The following AOPEP variants were observed in gnomAD, a reference collection of about 807,000 sequenced individuals.
AOPEP encodes the protein aminopeptidase O (putative).
Under a neutral mutation model 98.1 loss-of-function variants are expected in AOPEP, and 77 were observed. The ratio of observed to expected loss-of-function variants is 0.78; its 90% CI spans 0.65 to 0.95. AOPEP has a LOEUF of 0.95. Among genes scored for constraint, AOPEP ranks in the 40% least tolerant of loss-of-function variants. AOPEP has a pLI of 0.00. For missense variants in AOPEP, 1,024 were observed against 1,024.7 expected (o/e 1.00, Z 0.01); for synonymous variants, 346 against 365.3 (o/e 0.95, Z 0.60).
chr9:94,847,152 A>ACACACACACACT (rs1448564968), intron 5 of AOPEP, among the ~76,000 whole-genome samples: 20,709 of 140,202 alleles, frequency 0.15, 1,623 homozygotes, highest in East Asian at 0.24. Flanking sequence ...ACACACACAC[A>ACACACACACACT]CTCTCTCTGT....
At chr9:95,089,214 C>CCGGGGTCT (rs2070832674), downstream of AOPEP, among the ~76,000 whole-genome samples, 1 of 152,224 alleles carries the variant, frequency 6.6e-6, no homozygotes, top group Non-Finnish European at 1.5e-5. Flanking sequence ...TGAGAGCAAA[C>CCGGGGTCT]CGGGGTCTCG....
intron 13 of AOPEP, among the ~76,000 whole-genome samples, chr9:95,025,353 C>T (rs183760700): frequency 0.012 from 1,781 of 152,336 alleles, 44 homozygotes; most frequent in African/African-American, 0.04. Flanking sequence ...TGTCAGCCCA[C>T]AGCCACTGCA....
chr9:95,003,220 A>T (rs1428257841), intron 11 of AOPEP, among the ~76,000 whole-genome samples: 2 of 152,140 alleles, frequency 1.3e-5, no homozygotes, highest in Admixed American at 6.5e-5. Context: ...AAGGGAAAAA[A>T]CTTTTCAAAT....
In AOPEP at chr9:94,727,115, ATCTCCAG is replaced by A. The variant is rs571567990; in HGVS notation, c.-136+368_-136+374del. On this transcript the variant is annotated intron_variant, in intron 1 of 16. Transcript: ENST00000375315. ...CTCGGCTTCTAGCCCCACAGGGCTC[ATCTCCAG>A]TCTTAAGTAGGCAGAACAGTTTCGA... Among the ~76,000 whole-genome samples, 28 of 152,258 alleles carry A rather than the reference ATCTCCAG, an allele frequency of 1.8e-4. No homozygotes were observed. In the East Asian group the frequency reaches 5.2e-3, roughly 28 times the overall value.
intron 5 of AOPEP, chr9:94,904,278 G>A (rs1017886132): frequency 6.6e-6 from 1 of 152,186 alleles, no homozygotes; most frequent in Non-Finnish European, 1.5e-5. Context: ...CTGCACAGTG[G>A]CTGTGGTTTT....
At chr9:95,004,728 G>A (rs2061812178) in intron 11 of AOPEP, among the ~76,000 whole-genome samples, 1 of 145,454 alleles carries the variant, frequency 6.9e-6, no homozygotes, top group Non-Finnish European at 1.5e-5. Context: ...GCGGGGGCAA[G>A]GTGCGCGGGG....
Position 94,758,479 on chromosome 9 carries a change from G to A in AOPEP, c.-135-1170G>A, listed in dbSNP as rs118044375. ...CCTAGAATGAGATTCTAGAAGGAAA[G>A]GAAATAAAAGGGTCTAGTAGAGATG... On this transcript the variant is annotated intron_variant, in intron 1 of 16. Coordinates refer to ENST00000375315, the MANE Select transcript of AOPEP (RefSeq NM_001193329.3). 8.3e-3 allele frequency among the ~76,000 whole-genome samples: 1,258 copies of A among 152,278 alleles called. 12 individuals are homozygous for A. Among genetic ancestry groups the A allele is most frequent in the Non-Finnish European group, 0.013 (859 of 68,008 alleles).
chr9:94,860,785 A>G (rs182020207), intron 5 of AOPEP, among the ~76,000 whole-genome samples: 5 of 152,264 alleles, frequency 3.3e-5, no homozygotes, highest in Admixed American at 6.5e-5. Flanking sequence ...TTCTCTGTAC[A>G]TGTCAGGTTT....
intron 7 of AOPEP, chr9:94,933,380 G>C: frequency 1.0e-6 from 1 of 985,410 alleles, no homozygotes. Flanking sequence ...TTTATTGTTT[G>C]TGATTTATTA....
At chr9:94,887,811 CT>C (rs111773615) in intron 5 of AOPEP, among the ~76,000 whole-genome samples, 3 of 151,346 alleles carry the variant, frequency 2.0e-5, no homozygotes, top group Non-Finnish European at 4.4e-5. Context: ...GCAAATTAGG[CT>C]TTTTTTTTCT....
chr9:95,055,532 G>A (rs1011391553), intron 13 of AOPEP, among the ~76,000 whole-genome samples: 11 of 152,122 alleles, frequency 7.2e-5, no homozygotes, highest in East Asian at 1.9e-4. Context: ...GTTCTGTCTC[G>A]TGTCCTGTAG....
At chr9:94,910,797 A>G (rs559060081) in intron 5 of AOPEP, among the ~76,000 whole-genome samples, 10 of 152,290 alleles carry the variant, frequency 6.6e-5, no homozygotes, top group Non-Finnish European at 1.3e-4. Flanking sequence ...GGGAGGGGCC[A>G]GTCTATTAGG....
rs1170011175 is a variant in AOPEP at position 94,775,373 on chromosome 9, AT to A, written c.964+2220del. On this transcript the variant is annotated intron_variant, in intron 3 of 16. Coordinates refer to ENST00000375315, the MANE Select transcript of AOPEP (RefSeq NM_001193329.3). ...GAAGTCACCGATGAGTATTTACTTG[AT>A]TTTTTTTTTTTTTTGAGACAGAGTC... is the stretch of plus-strand genomic sequence containing the variant. Among the ~76,000 whole-genome samples, 434 of 140,160 alleles carry A rather than the reference AT, an allele frequency of 3.1e-3. 2 individuals are homozygous for A. Among genetic ancestry groups the A allele is most frequent in the Middle Eastern group, 0.011 (3 of 268 alleles). The allele number at this position is 140,160 out of a possible 152,430, so 92.0% of individuals were successfully genotyped here.
chr9:94,870,549 T>C (rs2046230192), intron 5 of AOPEP, among the ~76,000 whole-genome samples: 1 of 152,142 alleles, frequency 6.6e-6, no homozygotes, highest in African/African-American at 2.4e-5. Flanking sequence ...ATGGGAAGGC[T>C]GGTATTTGAA....
chr9:94,740,204 T>C (rs542611105), intron 1 of AOPEP, among the ~76,000 whole-genome samples: 1 of 152,172 alleles, frequency 6.6e-6, no homozygotes, highest in Admixed American at 6.5e-5. Flanking sequence ...TTGGCTAGTT[T>C]GAATAATTTT....
Position 94,792,752 on chromosome 9 carries a change from T to C in AOPEP, c.965-13T>C. The C allele has an allele frequency of 1.9e-6, 3 of 1,579,558 alleles. No homozygotes were observed. The highest frequency in any genetic ancestry group is 2.6e-6 in the Non-Finnish European group (3 of 1,159,096). Reference sequence around the variant, plus strand: ...TATTGGCCTCATTATGGTTTTTCTCTTCCTGTTTACAGAGTGCTCAAGCTG... The same window carrying C: ...TATTGGCCTCATTATGGTTTTTCTCCTCCTGTTTACAGAGTGCTCAAGCTG... On this transcript the variant is annotated splice_polypyrimidine_tract_variant and intron_variant, in intron 3 of 16. Coordinates refer to ENST00000375315, the MANE Select transcript of AOPEP (RefSeq NM_001193329.3).
intron 3 of AOPEP, among the ~76,000 whole-genome samples, chr9:94,776,873 T>G (rs1842220907): frequency 6.6e-6 from 1 of 152,076 alleles, no homozygotes; most frequent in Non-Finnish European, 1.5e-5. Flanking sequence ...TATTTAGACT[T>G]TCTTCATTCT....
chr9:94,743,145 C>CT (rs763604232), intron 1 of AOPEP, among the ~76,000 whole-genome samples: 2 of 146,692 alleles, frequency 1.4e-5, no homozygotes, highest in African/African-American at 5.1e-5. Context: ...TTTTAATAAA[C>CT]TTGCTTTCAC....
chr9:95,093,661 C>T, the AOPEP span, among the ~76,000 whole-genome samples: 1 of 152,218 alleles, frequency 6.6e-6, no homozygotes, highest in African/African-American at 2.4e-5. Flanking sequence ...AAGTTGATTA[C>T]CGTCTCCACC....
Sources: gnomAD v4.1 joint callset for allele counts (sites outside exome capture counted in the v4.1 genomes callset) on GRCh38, gnomAD v4.1.1 for gene constraint, MANE v1.5 for transcripts, NCBI Gene and HGNC (gene_info 2026-07-23, HGNC 2026-07-21) for gene names.